KCNMA1: variants seen among roughly 807,000 people sequenced by gnomAD.
KCNMA1 encodes potassium calcium-activated channel subfamily M alpha 1, also known as Calcium-activated potassium channel subunit alpha-1.
KCNMA1 carries 29 observed loss-of-function variants against 140.0 expected under a neutral mutation model. The observed-to-expected ratio is 0.21, with a 90% CI of 0.15 to 0.28. The LOEUF (loss-of-function observed/expected upper bound fraction) is 0.28. Ranked by LOEUF, KCNMA1 falls within the 10% of genes least tolerant of loss-of-function variation. The probability of loss-of-function intolerance (pLI) is 1.00; values close to 1 mark genes in which losing one functional copy is unlikely to be tolerated. For missense variants in KCNMA1, 880 were observed against 1,602.2 expected, an observed-to-expected ratio of 0.55 and a Z score of 7.70; for synonymous variants, 612 against 611.9, an observed-to-expected ratio of 1.00 and a Z score of 0.00.
chr10:77,170,402 C>T (rs951798879), intron 5 of KCNMA1, among the ~76,000 whole-genome samples: 6 of 151,972 alleles, frequency 3.9e-5, no homozygotes, highest in East Asian at 1.9e-4. Flanking sequence ...CCTCGAGGAG[C>T]GGGCTGAGAT....
chr10:77,099,210 T>C (rs1374768041), intron 9 of KCNMA1, among the ~76,000 whole-genome samples: 1 of 152,000 alleles, frequency 6.6e-6, no homozygotes, highest in African/African-American at 2.4e-5. Context: ...GAGAGGGTTT[T>C]GATTTACAAA....
intron 1 of KCNMA1, among the ~76,000 whole-genome samples, chr10:77,480,711 C>G (rs1342701471): frequency 2.6e-5 from 4 of 152,120 alleles, no homozygotes; most frequent in Non-Finnish European, 5.9e-5. Flanking sequence ...CACAGCTTGC[C>G]TAGCGCAGCT....
At chr10:77,226,232 G>T (rs1415450175) in intron 3 of KCNMA1, among the ~76,000 whole-genome samples, 2 of 152,146 alleles carry the variant, frequency 1.3e-5, no homozygotes, top group Admixed American at 1.3e-4. Flanking sequence ...TCTTGCCCTT[G>T]CTGTAGGTAC....
At chr10:77,162,012 C>T (rs1035412430) in intron 5 of KCNMA1, among the ~76,000 whole-genome samples, 3 of 152,122 alleles carry the variant, frequency 2.0e-5, no homozygotes, top group African/African-American at 7.2e-5. Flanking sequence ...TCCCCAAATC[C>T]TGTTCTTTCC....
intron 9 of KCNMA1, among the ~76,000 whole-genome samples, chr10:77,105,516 T>C (rs1217399711): frequency 1.3e-5 from 2 of 152,182 alleles, no homozygotes; most frequent in Non-Finnish European, 2.9e-5. Flanking sequence ...AGAGAAATCA[T>C]TTCTGAATAA....
At chr10:76,985,372 A>C (rs1592799847) in intron 19 of KCNMA1, among the ~76,000 whole-genome samples, 1 of 152,362 alleles carries the variant, frequency 6.6e-6, no homozygotes, top group East Asian at 1.9e-4. Flanking sequence ...GTACTAAGAA[A>C]TCAGGAAAAT....
chr10:77,247,844 A>C (rs560830), intron 3 of KCNMA1, among the ~76,000 whole-genome samples: 70,375 of 151,702 alleles, frequency 0.46, 16,779 homozygotes, highest in East Asian at 0.71. Flanking sequence ...GATAAAGCAT[A>C]ATTTTAGTAA....
chr10:77,197,877 G>A (rs2041095102), intron 3 of KCNMA1, among the ~76,000 whole-genome samples: 1 of 152,154 alleles, frequency 6.6e-6, no homozygotes, highest in African/African-American at 2.4e-5. Flanking sequence ...GAGAGACACA[G>A]GCAGAAAAAT....
chr10:76,901,823 TG>T (rs1157716738), intron 25 of KCNMA1: 4 of 152,246 alleles, frequency 2.6e-5, no homozygotes, highest in Admixed American at 6.5e-5. Flanking sequence ...AGCAGAGCTG[TG>T]GGGCAGCAGA....
chr10:77,272,161 G>A (rs977826081), intron 2 of KCNMA1, among the ~76,000 whole-genome samples: 3 of 152,084 alleles, frequency 2.0e-5, no homozygotes, highest in Non-Finnish European at 4.4e-5. Flanking sequence ...CTTCTTACTT[G>A]TCTATTGCTT....
At chr10:77,100,129 G>A (rs1001808780) in intron 9 of KCNMA1, among the ~76,000 whole-genome samples, 1 of 152,212 alleles carries the variant, frequency 6.6e-6, no homozygotes, top group African/African-American at 2.4e-5. Flanking sequence ...GGGTGGTACT[G>A]ATTGGTCAGA....
At chr10:77,284,533 A>T (rs2069991415) in intron 2 of KCNMA1, among the ~76,000 whole-genome samples, 1 of 152,066 alleles carries the variant, frequency 6.6e-6, no homozygotes, top group African/African-American at 2.4e-5. Flanking sequence ...TTATTGCTCA[A>T]GATGGTGTCT....
At chr10:77,239,227 C>A (rs1421061214) in intron 3 of KCNMA1, among the ~76,000 whole-genome samples, 2 of 152,228 alleles carry the variant, frequency 1.3e-5, no homozygotes, top group African/African-American at 4.8e-5. Flanking sequence ...CCTCCCACTG[C>A]TAGAGGAAAA....
intron 1 of KCNMA1, among the ~76,000 whole-genome samples, chr10:77,580,164 G>A (rs759739264): frequency 2.0e-4 from 31 of 152,080 alleles, no homozygotes; most frequent in African/African-American, 7.2e-4. Flanking sequence ...GGCAGATCAC[G>A]AGGTCTGGAG....
intron 2 of KCNMA1, among the ~76,000 whole-genome samples, chr10:77,284,112 A>G (rs928840093): frequency 6.6e-6 from 1 of 152,222 alleles, no homozygotes; most frequent in African/African-American, 2.4e-5. Flanking sequence ...CAATATGACC[A>G]GGGCTGGACA....
At chr10:77,400,915 A>G (rs2096243164) in intron 2 of KCNMA1, among the ~76,000 whole-genome samples, 1 of 151,746 alleles carries the variant, frequency 6.6e-6, no homozygotes, top group South Asian at 2.1e-4. Flanking sequence ...CATTTCCATG[A>G]TATCACCCAC....
intron 25 of KCNMA1, among the ~76,000 whole-genome samples, chr10:76,893,675 T>G (rs6480844): frequency 0.095 from 14,434 of 152,132 alleles, 2,181 homozygotes; most frequent in African/African-American, 0.32. Context: ...GGGCGGCAGA[T>G]GTTGCAGTAA....
chr10:77,304,913 G>A (rs1309327640), intron 2 of KCNMA1, among the ~76,000 whole-genome samples: 1 of 152,172 alleles, frequency 6.6e-6, no homozygotes, highest in African/African-American at 2.4e-5. Context: ...ACTGCTGCTT[G>A]GGAAGTCAAT....
chr10:77,504,109 T>A lies in KCNMA1; in HGVS notation c.379-100086A>T, dbSNP rs180902227. The stretch of plus-strand genomic sequence containing the variant: ...TGACGTGTTCCCAATTGTCCTTTCT[T>A]GGTTATCTGCCTGCCTGGCAAGAAT... On this transcript the variant is annotated intron_variant, in intron 1 of 27. Coordinates refer to ENST00000286628, the MANE Select transcript of KCNMA1 (RefSeq NM_001161352.2). Among the ~76,000 whole-genome samples, 106 of 152,316 alleles carry A rather than the reference T, an allele frequency of 7.0e-4. 1 individual carries two copies. In the East Asian group the frequency reaches 0.015, roughly 22 times the overall value.
Sources: allele counts gnomAD v4.1 joint callset (sites outside exome capture counted in the v4.1 genomes callset), GRCh38; gene constraint gnomAD v4.1.1; transcripts MANE v1.5; gene names NCBI Gene and HGNC (gene_info 2026-07-23, HGNC 2026-07-21).